Variants in PTPN9 observed in about 807,000 individuals in gnomAD.
The protein encoded by PTPN9 is protein tyrosine phosphatase non-receptor type 9.
PTPN9 carries 26 observed loss-of-function variants against 69.8 expected under a neutral mutation model. The ratio of observed to expected loss-of-function variants is 0.37; its 90% CI spans 0.27 to 0.52. The LOEUF is 0.52. Ranked by LOEUF, PTPN9 falls within the 20% of genes least tolerant of loss-of-function variation. The pLI, the probability that PTPN9 is intolerant of heterozygous loss-of-function variation, is 0.91. For missense variants in PTPN9, 549 were observed against 740.3 expected (o/e 0.74, Z 3.00); for synonymous variants, 274 against 272.5 (o/e 1.01, Z -0.05).
At position 75,578,759 on chromosome 15, in the gene PTPN9, C is replaced by A; in HGVS notation, c.18G>T (p.Ala6=). The change falls in exon 1 of 13, where the codon GCG becomes GCT. Residue 6 remains alanine, a synonymous_variant. Transcript: ENST00000618819. MEPAT[A]PRPDMAPELT... ...GCTCCGGCGCCATGTCGGGCCGGGG[C>A]GCGGTCGCGGGCTCCATCCCCCCGC... is the stretch of plus-strand genomic sequence containing the variant. 7.8e-7 allele frequency: 1 copy of A among 1,289,494 alleles called. No individual in the cohort carries two copies. The highest frequency in any genetic ancestry group is 3.2e-5 in the East Asian group (1 of 30,922). The allele number at this position is 1,289,494 out of a possible 1,614,324, so 79.9% of individuals were successfully genotyped here.
chr15:75,573,493 G>A (rs539005317), intron 1 of PTPN9, among the ~76,000 whole-genome samples: 2 of 152,220 alleles, frequency 1.3e-5, no homozygotes, highest in South Asian at 4.1e-4. Flanking sequence ...CAGAAAATGA[G>A]ACTAAGTAAT....
Position 75,518,821 on chromosome 15 carries a change from G to GA in PTPN9, c.423-1458dup, listed in dbSNP as rs57367538. ...AACAGAGCGAGACTCCATCTCAGGG[G>GA]AAAAAAAAAAAAAAAAAAGTAAGCC... On this transcript the variant is annotated intron_variant, in intron 4 of 12. Transcript: ENST00000618819. 9.1e-3 allele frequency among the ~76,000 whole-genome samples: 1,214 copies of GA among 133,230 alleles called. 28 individuals carry two copies. The East Asian group carries it at 0.1, about 11-fold the overall frequency. The allele number at this position is 133,230 out of a possible 152,430, so 87.4% of individuals were successfully genotyped here.
In PTPN9 at chr15:75,537,753, C is replaced by CAA. The variant is rs1164644727; in HGVS notation, c.64-10494_64-10493dup. Among the ~76,000 whole-genome samples the CAA allele has an allele frequency of 6.7e-3, 76 of 11,262 alleles. 2 individuals are homozygous for CAA. The highest frequency in any genetic ancestry group is 9.6e-3 in the African/African-American group (21 of 2,184). 7.4% of individuals were successfully genotyped at this position (11,262 alleles called of 152,430 possible). On this transcript the variant is annotated intron_variant, in intron 1 of 12. Transcript: ENST00000618819. ...AGGGCAACAGAGGGAGACTCCATCT[C>CAA]AAAAAAAAAAAAAAAAAAAAAAAGG...
In PTPN9 at chr15:75,504,681, AGGGAGGTGGGGGGGTCAGCCCCCCGCCC is replaced by A. The variant is rs1414723558; in HGVS notation, c.968+966_968+993del. 7.7e-4 allele frequency among the ~76,000 whole-genome samples: 108 copies of A among 139,642 alleles called. 1 individual carries two copies. Among genetic ancestry groups the A allele is most frequent in the African/African-American group, 2.8e-3 (104 of 37,380 alleles). 91.6% of individuals were successfully genotyped at this position (139,642 alleles called of 152,430 possible). ...CGCCCGGCCAGCCGCCCTGTCCGGG[AGGGAGGTGGGGGGGTCAGCCCCCCGCCC>A]GGGAGGTGAGGGGCGCCTCTGCCCG... On this transcript the variant is annotated intron_variant, in intron 7 of 12. Coordinates refer to ENST00000618819, the MANE Select transcript of PTPN9 (RefSeq NM_002833.4).
chr15:75,537,832 G>A (rs1164405750), intron 1 of PTPN9, among the ~76,000 whole-genome samples: 2 of 150,012 alleles, frequency 1.3e-5, no homozygotes, highest in Non-Finnish European at 1.5e-5. Context: ...GCCAAGGCAG[G>A]CGGATCACCT....
chr15:75,503,804 T>TC (rs2074792442), intron 7 of PTPN9, among the ~76,000 whole-genome samples: 2 of 60,102 alleles, frequency 3.3e-5, no homozygotes, highest in African/African-American at 6.2e-5. Context: ...GGGAGGGAGG[T>TC]GGGGGGGTCA....
intron 8 of PTPN9, among the ~76,000 whole-genome samples, chr15:75,485,354 C>CTTTTTTTT (rs891447336): frequency 8.9e-5 from 7 of 78,762 alleles, no homozygotes; most frequent in Non-Finnish European, 1.4e-4. Flanking sequence ...ATTGTCACTT[C>CTTTTTTTT]TTTTTTTTTT....
chr15:75,483,723 A>G (rs2074657823), intron 8 of PTPN9, among the ~76,000 whole-genome samples: 1 of 152,214 alleles, frequency 6.6e-6, no homozygotes, highest in African/African-American at 2.4e-5. Context: ...GGCCGAAAGA[A>G]TGAGGGTCAT....
chr15:75,519,111 ATTG>A (rs1431547681), intron 4 of PTPN9, among the ~76,000 whole-genome samples: 4 of 151,848 alleles, frequency 2.6e-5, no homozygotes, highest in African/African-American at 9.7e-5. Context: ...TCTCAAAGTT[ATTG>A]TTTTTTGTTT....
chr15:75,496,238 C>T (rs149403324), intron 7 of PTPN9, among the ~76,000 whole-genome samples: 1 of 150,274 alleles, frequency 6.7e-6, no homozygotes, highest in East Asian at 1.9e-4. Context: ...GATTTTGAGA[C>T]CAGCCTGGCC....
chr15:75,522,985 G>A lies in PTPN9; in HGVS notation c.422+136C>T, dbSNP rs906459741. 3 of 1,035,846 alleles carry A rather than the reference G, an allele frequency of 2.9e-6. No homozygotes were observed. In the African/African-American group the frequency reaches 4.8e-5, roughly 17 times the overall value. The allele number at this position is 1,035,846 out of a possible 1,614,324, so 64.2% of individuals were successfully genotyped here. On this transcript the variant is annotated intron_variant, in intron 4 of 12. Coordinates refer to ENST00000618819, the MANE Select transcript of PTPN9 (RefSeq NM_002833.4). Reference sequence around the variant, plus strand: ...AACATGCCGAGTTCTAAAGGACATGGATTGTTTTCTATTCATAGCATTGCC... The same window carrying A: ...AACATGCCGAGTTCTAAAGGACATGAATTGTTTTCTATTCATAGCATTGCC...
chr15:75,510,447 G>A (rs1033993898), intron 5 of PTPN9, among the ~76,000 whole-genome samples: 1 of 151,970 alleles, frequency 6.6e-6, no homozygotes, highest in Non-Finnish European at 1.5e-5. Context: ...CATGTTGGCC[G>A]GCTGGTTTCG....
Position 75,464,652 on chromosome 15 carries a change from C to A in PTPN9, c.*4117G>T, listed in dbSNP as rs2141665811. On this transcript the variant is annotated 3_prime_UTR_variant, in exon 13 of 13. Coordinates refer to ENST00000618819, the MANE Select transcript of PTPN9 (RefSeq NM_002833.4). ...GGGTCACTCTAGAGAAGCTTTTCTA[C>A]TTGGCCAATGCCTCTTGGCCCAATT... 1 of 152,296 alleles carries A rather than the reference C, an allele frequency of 6.6e-6. No homozygotes were observed. The highest frequency in any genetic ancestry group is 1.5e-5 in the Non-Finnish European group (1 of 68,028). 9.4% of individuals were successfully genotyped at this position (152,296 alleles called of 1,614,324 possible).
Position 75,505,769 on chromosome 15 carries a change from C to T in PTPN9, c.874G>A (p.Val292Met). 1 of 1,614,138 alleles carries T rather than the reference C, an allele frequency of 6.2e-7. No individual in the cohort carries two copies. The highest frequency in any genetic ancestry group is 1.3e-5 in the African/African-American group (1 of 75,054). ...GPHAMTIQEL[V>M]DYVNARQKQG... Reference sequence around the variant, plus strand: ...TTTTGCCTGGCATTAACATAGTCCACCAACTCTTGGATGGTCATAGCATGG... The same window carrying T: ...TTTTGCCTGGCATTAACATAGTCCATCAACTCTTGGATGGTCATAGCATGG... The change falls in exon 7 of 13, where the codon GTG becomes ATG. Residue 292 changes from valine (V) to methionine (M), a missense_variant. Physicochemically the swap from Val to Met is conservative, Grantham distance 21. This residue lies in a region of PTPN9 where 457 missense variants were observed against 661.9 expected (regional missense o/e 0.69). Transcript: ENST00000618819.
At chr15:75,577,980 C>T (rs1346822756) in intron 1 of PTPN9, among the ~76,000 whole-genome samples, 1 of 152,134 alleles carries the variant, frequency 6.6e-6, no homozygotes, top group African/African-American at 2.4e-5. Context: ...CAAAATGAGA[C>T]AGCAAACCAC....
chr15:75,578,709 C>A lies in PTPN9; in HGVS notation c.63+5G>T. 7.3e-7 allele frequency: 1 copy of A among 1,371,342 alleles called. No individual in the cohort carries two copies. The highest frequency in any genetic ancestry group is 1.6e-5 in the South Asian group (1 of 61,900). The allele number at this position is 1,371,342 out of a possible 1,614,324, so 84.9% of individuals were successfully genotyped here. ...ACCCAACGCGGCGGCCTCGGGCCCG[C>A]TTACCTGCTCCTCCTCCGGGGTCAG... On this transcript the variant is annotated splice_donor_5th_base_variant and intron_variant, in intron 1 of 12. Transcript: ENST00000618819.
chr15:75,555,854 C>A (rs1385908290), intron 1 of PTPN9, among the ~76,000 whole-genome samples: 1 of 151,616 alleles, frequency 6.6e-6, no homozygotes, highest in East Asian at 1.9e-4. Context: ...TGGTGGTGGT[C>A]AGGGAAACAC....
chr15:75,574,238 T>A (rs2075161500), intron 1 of PTPN9, among the ~76,000 whole-genome samples: 2 of 150,918 alleles, frequency 1.3e-5, no homozygotes, highest in Admixed American at 1.3e-4. Flanking sequence ...TGAGCCGTGA[T>A]TACACCACTG....
chr15:75,504,304 G>C (rs1353357582), intron 7 of PTPN9, among the ~76,000 whole-genome samples: 1 of 129,056 alleles, frequency 7.7e-6, no homozygotes, highest in Non-Finnish European at 1.7e-5. Context: ...GGAGGTGAGG[G>C]GCGCCTCTGC....
Sources: allele counts gnomAD v4.1 joint callset (sites outside exome capture counted in the v4.1 genomes callset), GRCh38; gene constraint gnomAD v4.1.1; regional missense constraint gnomAD v4.1.1; transcripts MANE v1.5; gene names NCBI Gene and HGNC (gene_info 2026-07-23, HGNC 2026-07-21).